The following SINHCAF variants were observed in gnomAD, a reference collection of about 807,000 sequenced individuals.
SINHCAF encodes the protein SIN3-HDAC complex associated factor, also known as SIN3-HDAC complex-associated factor.
SINHCAF carries 3 observed loss-of-function variants against 25.8 expected under a neutral mutation model. The ratio of observed to expected loss-of-function variants is 0.12; its 90% CI spans 0.05 to 0.30. SINHCAF has a LOEUF of 0.30. Ranked by LOEUF, SINHCAF falls within the 10% of genes least tolerant of loss-of-function variation. SINHCAF has a pLI of 1.00. For missense variants in SINHCAF, 121 were observed against 262.3 expected (o/e 0.46, Z 3.72); for synonymous variants, 70 against 85.5 (o/e 0.82, Z 1.00).
At chr12:31,292,492 C>T (rs1199776678) in intron 4 of SINHCAF, among the ~76,000 whole-genome samples, 10 of 150,038 alleles carry the variant, frequency 6.7e-5, no homozygotes, top group Admixed American at 6.6e-4. Context: ...GAGCGAGACC[C>T]TGTTTCAAAA....
intron 4 of SINHCAF, among the ~76,000 whole-genome samples, chr12:31,288,902 C>A (rs917686435): frequency 6.6e-6 from 1 of 151,858 alleles, no homozygotes; most frequent in Non-Finnish European, 1.5e-5. Flanking sequence ...CAATTATGAA[C>A]ATGTTTGAAA....
intron 1 of SINHCAF, among the ~76,000 whole-genome samples, chr12:31,316,492 T>A (rs934660117): frequency 7.9e-5 from 12 of 152,240 alleles, no homozygotes; most frequent in Middle Eastern, 3.4e-3. Context: ...AGGGATGAGA[T>A]AACCACAATA....
intron 4 of SINHCAF, among the ~76,000 whole-genome samples, chr12:31,291,246 A>G (rs17576150): frequency 0.068 from 10,317 of 152,284 alleles, 873 homozygotes; most frequent in East Asian, 0.26. Context: ...GCAGATTTTG[A>G]AAAGGATGAC....
chr12:31,305,381 G>A (rs1311871000), intron 1 of SINHCAF, among the ~76,000 whole-genome samples: 1 of 152,160 alleles, frequency 6.6e-6, no homozygotes, highest in Admixed American at 6.5e-5. Context: ...TTACAACAGT[G>A]CAAGATGTCC....
intron 4 of SINHCAF, among the ~76,000 whole-genome samples, chr12:31,288,897 ATG>A (rs1337492619): frequency 1.3e-5 from 2 of 152,248 alleles, no homozygotes; most frequent in Admixed American, 6.5e-5. Flanking sequence ...GTGAGCAATT[ATG>A]AACATGTTTG....
In SINHCAF at chr12:31,285,702, G is replaced by A. The variant is rs538257786; in HGVS notation, c.506+1932C>T. On this transcript the variant is annotated intron_variant, in intron 5 of 5. Coordinates refer to ENST00000337682, the MANE Select transcript of SINHCAF (RefSeq NM_001135812.2). ...TCATAAAGACTAAATAAGGCCAGGT[G>A]CAGTAACTCACACCTGTAATCCCAG... Among the ~76,000 whole-genome samples, 333 of 152,186 alleles carry A rather than the reference G, an allele frequency of 2.2e-3. 1 individual carries two copies. Among genetic ancestry groups the A allele is most frequent in the Middle Eastern group, 0.01 (3 of 294 alleles).
In SINHCAF at chr12:31,285,418, T is replaced by TACATAC. The variant is rs1555110959; in HGVS notation, c.506+2215_506+2216insGTATGT. On this transcript the variant is annotated intron_variant, in intron 5 of 5. Transcript: ENST00000337682. ...ATAGACATATATTTATATATATACA[T>TACATAC]ACACACACACACACACACACACACA... is the stretch of plus-strand genomic sequence containing the variant. 2.1e-5 allele frequency among the ~76,000 whole-genome samples: 3 copies of TACATAC among 141,356 alleles called. No individual in the cohort carries two copies. In the South Asian group the frequency reaches 6.9e-4, roughly 33 times the overall value. The allele number at this position is 141,356 out of a possible 152,430, so 92.7% of individuals were successfully genotyped here. A position where few individuals can be genotyped will look rare whatever the true frequency, so the allele number is the denominator to read the frequency against.
chr12:31,324,669 C>T lies in SINHCAF; in HGVS notation c.-21+1355G>A, dbSNP rs912444671. The T allele has an allele frequency of 3.1e-6, 1 of 320,998 alleles. No homozygotes were observed. The highest frequency in any genetic ancestry group is 2.4e-5 in the South Asian group (1 of 41,218). 19.9% of individuals were successfully genotyped at this position (320,998 alleles called of 1,614,324 possible). On this transcript the variant is annotated intron_variant, in intron 1 of 5. Transcript: ENST00000337682. The surrounding 1 kb of genome is among the most constrained non-coding windows in gnomAD (Gnocchi z 5.5). ...ATGCAGCCCTTTGTTTTCTGTCCAG[C>T]CGGGCGCTGCCTACGTGCAGCATCA...
At chr12:31,288,049 C>G (rs1030274010) in intron 4 of SINHCAF, among the ~76,000 whole-genome samples, 4 of 152,070 alleles carry the variant, frequency 2.6e-5, no homozygotes, top group African/African-American at 7.2e-5. Flanking sequence ...AAACCTGAGA[C>G]TCCAAAAGGT....
intron 1 of SINHCAF, chr12:31,311,494 T>C: frequency 5.1e-6 from 1 of 197,772 alleles, no homozygotes; most frequent in Non-Finnish European, 1.0e-5. Context: ...CTAGGGTTGA[T>C]AGAGAATCAG....
intron 1 of SINHCAF, among the ~76,000 whole-genome samples, chr12:31,310,195 A>G (rs753854075): frequency 3.3e-5 from 5 of 152,196 alleles, no homozygotes; most frequent in Non-Finnish European, 7.4e-5. Flanking sequence ...CCAATGAACC[A>G]CTAAAGCAAA....
intron 1 of SINHCAF, among the ~76,000 whole-genome samples, chr12:31,314,399 G>A (rs1939415701): frequency 6.6e-6 from 1 of 152,008 alleles, no homozygotes; most frequent in Non-Finnish European, 1.5e-5. Context: ...GGTGGCGGGC[G>A]CCTGTAATCC....
At position 31,282,515 on chromosome 12, in the gene SINHCAF, G is replaced by A. The variant is rs567464171; in HGVS notation, c.*197C>T. Reference sequence around the variant, plus strand: ...CGGGCACCTATAAACCCAGCTACTTGGGAGGCTGAGGCAGGAGAATCACTT... The same window carrying A: ...CGGGCACCTATAAACCCAGCTACTTAGGAGGCTGAGGCAGGAGAATCACTT... On this transcript the variant is annotated 3_prime_UTR_variant, in exon 6 of 6. Coordinates refer to ENST00000337682, the MANE Select transcript of SINHCAF (RefSeq NM_001135812.2). The A allele has an allele frequency of 6.6e-5, 29 of 437,892 alleles. No homozygotes were observed. The highest frequency in any genetic ancestry group is 9.7e-5 in the Non-Finnish European group (24 of 248,070). The allele number at this position is 437,892 out of a possible 1,614,324, so 27.1% of individuals were successfully genotyped here.
intron 1 of SINHCAF, among the ~76,000 whole-genome samples, chr12:31,319,438 G>C (rs1365665834): frequency 6.6e-6 from 1 of 152,240 alleles, no homozygotes; most frequent in Non-Finnish European, 1.5e-5. Flanking sequence ...TGAGGCAGGA[G>C]AATTGCCTGA....
intron 1 of SINHCAF, chr12:31,304,479 TCTAGATAAGTTAG>T (rs1938944726): frequency 6.6e-6 from 1 of 152,208 alleles, no homozygotes; most frequent in Admixed American, 6.5e-5. Context: ...AAGTTTGTGT[TCTAGATAAGTTAG>T]AGAATTTGTC....
chr12:31,310,892 A>G (rs1939239319), intron 1 of SINHCAF, among the ~76,000 whole-genome samples: 3 of 138,994 alleles, frequency 2.2e-5, no homozygotes. Flanking sequence ...TTTTTTCCTG[A>G]GAGAGTCTCA....
chr12:31,298,962 C>CT (rs1938660959), intron 1 of SINHCAF, among the ~76,000 whole-genome samples: 4 of 151,910 alleles, frequency 2.6e-5, no homozygotes, highest in African/African-American at 9.7e-5. Flanking sequence ...TTCTACAAGG[C>CT]TTTGTGCCTG....
chr12:31,304,406 C>T (rs1938941810), intron 1 of SINHCAF: 1 of 152,078 alleles, frequency 6.6e-6, no homozygotes, highest in Non-Finnish European at 1.5e-5. Context: ...CATTCAGTTG[C>T]CAGTTATGAC....
intron 4 of SINHCAF, among the ~76,000 whole-genome samples, chr12:31,292,902 A>AT (rs1235999529): frequency 6.6e-6 from 1 of 152,122 alleles, no homozygotes; most frequent in Middle Eastern, 3.2e-3. Flanking sequence ...GGCCCTATAG[A>AT]TTTTTTAAAA....
Sources: allele counts gnomAD v4.1 joint callset (sites outside exome capture counted in the v4.1 genomes callset), GRCh38; gene constraint gnomAD v4.1.1; non-coding constraint Gnocchi (gnomAD v3.1); transcripts MANE v1.5; gene names NCBI Gene and HGNC (gene_info 2026-07-23, HGNC 2026-07-21).